The following PATJ variants were observed in gnomAD, a reference collection of about 807,000 sequenced individuals.
The protein encoded by PATJ is inaD-like protein.
Under a neutral mutation model 224.9 loss-of-function variants are expected in PATJ, and 190 were observed. The observed-to-expected ratio is 0.84, with a 90% confidence interval of 0.75 to 0.95. PATJ has a LOEUF of 0.95. PATJ is among the 40% of genes least tolerant of loss of function. The probability of loss-of-function intolerance (pLI) is 0.00; values close to 1 mark genes in which losing one functional copy is unlikely to be tolerated. For missense variants in PATJ, 2,121 were observed against 2,270.3 expected, an observed-to-expected ratio of 0.93 and a Z score of 1.34; for synonymous variants, 769 against 820.3, an observed-to-expected ratio of 0.94 and a Z score of 1.07.
intron 21 of PATJ, among the ~76,000 whole-genome samples, chr1:61,879,739 T>G (rs1269072865): frequency 6.6e-6 from 1 of 152,084 alleles, no homozygotes; most frequent in Non-Finnish European, 1.5e-5. Flanking sequence ...TCATCAAGCC[T>G]CCTCCTTTTG....
intron 41 of PATJ, among the ~76,000 whole-genome samples, chr1:62,142,187 A>T (rs6670099): frequency 0.37 from 56,545 of 151,866 alleles, 12,583 homozygotes; most frequent in East Asian, 0.71. Context: ...TGTTTCATGG[A>T]CAGCTGACAA....
intron 29 of PATJ, among the ~76,000 whole-genome samples, chr1:62,028,726 T>C (rs1208409175): frequency 6.6e-6 from 1 of 151,990 alleles, no homozygotes; most frequent in Non-Finnish European, 1.5e-5. Flanking sequence ...AAGGCTGCAG[T>C]GAGCCATGAT....
In PATJ at chr1:61,902,910, AT is replaced by A. The variant is rs1357763103; in HGVS notation, c.3381+1452del. Among the ~76,000 whole-genome samples, 3 of 152,262 alleles carry A rather than the reference AT, an allele frequency of 2.0e-5. No individual in the cohort carries two copies. In the East Asian group the frequency reaches 5.8e-4, roughly 29 times the overall value. On this transcript the variant is annotated intron_variant, in intron 24 of 43. Coordinates refer to ENST00000642238, the MANE Select transcript of PATJ (RefSeq NM_001350145.3). ...TATAGGAAATGAGAGAGTGAGCCAT[AT>A]AGATATATGGAGGAAGAAAAACATG...
At chr1:62,084,457 G>T in intron 32 of PATJ, 58 bp from the exon 33 acceptor site, 1 of 1,558,180 alleles carries the variant, frequency 6.4e-7, no homozygotes, top group Non-Finnish European at 8.7e-7. Flanking sequence ...GTGATGGAAC[G>T]TGCAGGCTGA....
chr1:61,765,334 C>A (rs1646210269), intron 3 of PATJ, among the ~76,000 whole-genome samples: 1 of 151,358 alleles, frequency 6.6e-6, no homozygotes, highest in African/African-American at 2.4e-5. Flanking sequence ...ACCTTGATCT[C>A]CCAAAGTGCT....
intron 27 of PATJ, among the ~76,000 whole-genome samples, chr1:61,983,955 G>T (rs1326094503): frequency 6.6e-6 from 1 of 151,444 alleles, no homozygotes; most frequent in Non-Finnish European, 1.5e-5. Flanking sequence ...CTCCCAAGTA[G>T]CTGGGACTAC....
intron 20 of PATJ, among the ~76,000 whole-genome samples, chr1:61,870,091 C>T (rs973114205): frequency 6.6e-6 from 1 of 152,220 alleles, no homozygotes; most frequent in African/African-American, 2.4e-5. Context: ...AGTGTGACAG[C>T]CTTTTGTATC....
rs1162387295 is a variant in PATJ at position 61,864,595 on chromosome 1, C to T, written c.2797C>T (p.Gln933Ter). The T allele has an allele frequency of 1.9e-6, 3 of 1,604,876 alleles. No homozygotes were observed. Among genetic ancestry groups the T allele is most frequent in the Non-Finnish European group, 2.5e-6 (3 of 1,176,732 alleles). The change falls in exon 20 of 44, where the codon CAG becomes TAG. Residue 933 changes from glutamine (Q) to a stop codon, truncating the protein, a stop_gained. Coordinates refer to ENST00000642238, the MANE Select transcript of PATJ (RefSeq NM_001350145.3). LOFTEE classifies it high-confidence loss of function. Reference protein sequence around the residue: ...EARTGRTVYSQEAQPYGYCPE... With the variant: ...EARTGRTVYS ...AAGAACCGGGAGGACTGTCTATTCC[C>T]AGGAGGCACAGCCGTATGGCTATTG...
chr1:62,036,040 G>T (rs144708388), intron 29 of PATJ, among the ~76,000 whole-genome samples: 131 of 152,192 alleles, frequency 8.6e-4, no homozygotes, highest in African/African-American at 3.0e-3. Context: ...GCATAAGTGA[G>T]CAAGGGGAAG....
Position 61,791,356 on chromosome 1 carries a change from T to G in PATJ, c.1077T>G (p.Ser359=), listed in dbSNP as rs1028937760. 9.3e-6 allele frequency: 15 copies of G among 1,604,934 alleles called. No homozygotes were observed. The highest frequency in any genetic ancestry group is 1.3e-5 in the Non-Finnish European group (15 of 1,172,374). Residue 359 remains serine (S), a synonymous_variant, in exon 9 of 44, where the codon TCT becomes TCG. Coordinates refer to ENST00000642238, the MANE Select transcript of PATJ (RefSeq NM_001350145.3). ...TTGTTTTTTCCTTTTAGGACAGTTCTCTTTTTGAAACTTATAATGTTGAGC... is the reference window on the plus strand; with the variant it reads ...TTGTTTTTTCCTTTTAGGACAGTTCGCTTTTTGAAACTTATAATGTTGAGC... The part of the protein sequence containing the change: ...VASKGPGSDS[S]LFETYNVELV...
chr1:61,903,717 A>G (rs1161047199), intron 24 of PATJ, among the ~76,000 whole-genome samples: 1 of 150,008 alleles, frequency 6.7e-6, no homozygotes, highest in Non-Finnish European at 1.5e-5. Context: ...CTTAAATTCT[A>G]TTTTATTAAT....
chr1:61,854,862 G>A (rs1663397963), intron 17 of PATJ, among the ~76,000 whole-genome samples: 1 of 152,160 alleles, frequency 6.6e-6, no homozygotes, highest in African/African-American at 2.4e-5. Flanking sequence ...GTTGTCCTCG[G>A]TGTTTAATAT....
intron 30 of PATJ, chr1:62,038,921 T>G (rs928076989): frequency 8.4e-5 from 86 of 1,021,396 alleles, no homozygotes; most frequent in Non-Finnish European, 1.3e-4. Flanking sequence ...ACAGATTCAC[T>G]TAATCTGGGT....
chr1:61,764,552 A>G (rs1646153868), intron 3 of PATJ, among the ~76,000 whole-genome samples: 1 of 152,194 alleles, frequency 6.6e-6, no homozygotes, highest in Non-Finnish European at 1.5e-5. Context: ...GAACTTGAAT[A>G]GTAGCTATAC....
Position 61,769,606 on chromosome 1 carries a change from C to G in PATJ, c.524+184C>G, listed in dbSNP as rs546549628. ...CCTATACCCCATGGCAGCAGTTCCACTATATAGGTATCATCATTCCATTCT... is the reference window on the plus strand; with the variant it reads ...CCTATACCCCATGGCAGCAGTTCCAGTATATAGGTATCATCATTCCATTCT... On this transcript the variant is annotated intron_variant, in intron 5 of 43. Transcript: ENST00000642238. Among the ~76,000 whole-genome samples the G allele has an allele frequency of 2.0e-5, 3 of 152,276 alleles. No individual in the cohort carries two copies. In the South Asian group the frequency reaches 6.2e-4, roughly 32 times the overall value.
rs1444564081 is a variant in PATJ at position 62,125,261 on chromosome 1, AAAC to A, written c.5043+2206_5043+2208del. ...CAAAAAAAAAAAAAAAAACAAAAAA[AAAC>A]AAAAAAAAAACGCCATTAGCTCTAT... On this transcript the variant is annotated intron_variant, in intron 39 of 43. Transcript: ENST00000642238. Among the ~76,000 whole-genome samples the A allele has an allele frequency of 4.0e-3, 438 of 110,818 alleles. 59 individuals are homozygous for A. The highest frequency in any genetic ancestry group is 0.025 in the East Asian group (94 of 3,706). 72.7% of individuals were successfully genotyped at this position (110,818 alleles called of 152,430 possible).
intron 14 of PATJ, among the ~76,000 whole-genome samples, chr1:61,815,593 A>C (rs1473943668): frequency 3.3e-5 from 5 of 152,108 alleles, no homozygotes. Context: ...TGGTTTATGC[A>C]TATAATCCCA....
chr1:62,110,322 C>T (rs1328927567), intron 34 of PATJ, among the ~76,000 whole-genome samples: 2 of 152,158 alleles, frequency 1.3e-5, no homozygotes, highest in Non-Finnish European at 2.9e-5. Flanking sequence ...GATGAGGCAT[C>T]GGCAGCCTGT....
chr1:62,132,442 G>A (rs1217620255), intron 41 of PATJ, among the ~76,000 whole-genome samples: 3 of 152,020 alleles, frequency 2.0e-5, no homozygotes, highest in Non-Finnish European at 4.4e-5. Context: ...AGGTTGTAGT[G>A]AGCCAAGATC....
Sources: gnomAD v4.1 joint callset for allele counts (sites outside exome capture counted in the v4.1 genomes callset) on GRCh38, gnomAD v4.1.1 for gene constraint, MANE v1.5 for transcripts, NCBI Gene and HGNC (gene_info 2026-07-23, HGNC 2026-07-21) for gene names.